The following CHCHD6 variants were observed in gnomAD, a reference collection of about 807,000 sequenced individuals.
CHCHD6 encodes the protein MICOS complex subunit MIC25.
Under a neutral mutation model 32.3 loss-of-function variants are expected in CHCHD6, and 28 were observed. The observed-to-expected ratio is 0.87, with a 90% CI of 0.64 to 1.19. CHCHD6 has a LOEUF of 1.19. Ranked by LOEUF, CHCHD6 falls within the 50% of genes most tolerant of loss-of-function variation. The pLI is 0.00. For missense variants in CHCHD6, 333 were observed against 307.0 expected, an observed-to-expected ratio of 1.08 and a Z score of -0.63; for synonymous variants, 122 against 117.5, an observed-to-expected ratio of 1.04 and a Z score of -0.25.
chr3:126,763,167 CTTCCT>C (rs937718159), intron 4 of CHCHD6, among the ~76,000 whole-genome samples: 5 of 151,980 alleles, frequency 3.3e-5, no homozygotes, highest in African/African-American at 4.8e-5. Context: ...CTTCTGCTGT[CTTCCT>C]TTCCTTTCCT....
chr3:126,957,367 TGCCTGCTG>T, intron 6 of CHCHD6, 41 bp from the exon 7 acceptor site: 1 of 1,592,200 alleles, frequency 6.3e-7, no homozygotes, highest in South Asian at 1.1e-5. Flanking sequence ...TTCTCTCCCC[TGCCTGCTG>T]GCACCTGAGC....
chr3:126,866,163 G>A (rs751943486), intron 5 of CHCHD6, among the ~76,000 whole-genome samples: 73 of 152,244 alleles, frequency 4.8e-4, no homozygotes, highest in African/African-American at 1.5e-3. Context: ...ATCTCGTAGG[G>A]TAGTTTTGAG....
At chr3:126,940,282 G>A (rs955143093) in intron 6 of CHCHD6, among the ~76,000 whole-genome samples, 3 of 152,172 alleles carry the variant, frequency 2.0e-5, no homozygotes, top group Admixed American at 1.3e-4. Context: ...GCACATAAAT[G>A]AGACCATGAG....
chr3:126,826,475 A>G (rs1030465557), intron 4 of CHCHD6, among the ~76,000 whole-genome samples: 8 of 152,170 alleles, frequency 5.3e-5, no homozygotes, highest in African/African-American at 1.9e-4. Flanking sequence ...TCTGAAGGCT[A>G]GCTATTGGTA....
chr3:126,904,769 TG>T (rs2077981462), intron 5 of CHCHD6, among the ~76,000 whole-genome samples: 2 of 152,188 alleles, frequency 1.3e-5, no homozygotes, highest in African/African-American at 4.8e-5. Context: ...CCAATACTTC[TG>T]GGAAGGTCTC....
At chr3:126,940,366 G>A (rs2078541858) in intron 6 of CHCHD6, among the ~76,000 whole-genome samples, 2 of 152,118 alleles carry the variant, frequency 1.3e-5, no homozygotes, top group Non-Finnish European at 1.5e-5. Context: ...TTGTATATCA[G>A]TAAATGTAGA....
intron 4 of CHCHD6, among the ~76,000 whole-genome samples, chr3:126,841,191 A>G (rs1015099308): frequency 1.3e-5 from 2 of 152,194 alleles, no homozygotes; most frequent in African/African-American, 4.8e-5. Flanking sequence ...GATGATTTCC[A>G]ATTTCATCCA....
At chr3:126,740,630 A>G (rs921828271) in intron 4 of CHCHD6, among the ~76,000 whole-genome samples, 12 of 152,170 alleles carry the variant, frequency 7.9e-5, no homozygotes, top group Non-Finnish European at 1.2e-4. Context: ...CTGGGTAGAA[A>G]GGGCTGTGCC....
intron 4 of CHCHD6, among the ~76,000 whole-genome samples, chr3:126,825,072 G>A (rs916895305): frequency 9.9e-5 from 15 of 151,416 alleles, no homozygotes; most frequent in Non-Finnish European, 1.5e-5. Context: ...TTTCCTTTAG[G>A]CACAGCTTTT....
rs909799730 is a variant in CHCHD6, at chr3:126,843,557, C to A, written c.412-9090C>A. ...GGAAAATTATGTATTTTTAAATGAT[C>A]AGATATATAATTTTTATATTTCCAT... is the stretch of plus-strand genomic sequence containing the variant. On this transcript the variant is annotated intron_variant, in intron 4 of 7. Coordinates refer to ENST00000290913, the MANE Select transcript of CHCHD6 (RefSeq NM_032343.3). 4.6e-5 allele frequency among the ~76,000 whole-genome samples: 7 copies of A among 152,118 alleles called. No homozygotes were observed. In the East Asian group the frequency reaches 9.6e-4, roughly 21 times the overall value.
intron 6 of CHCHD6, among the ~76,000 whole-genome samples, chr3:126,951,653 G>A (rs1216355443): frequency 1.3e-5 from 2 of 152,244 alleles, no homozygotes; most frequent in African/African-American, 4.8e-5. Flanking sequence ...GGAGAAGTGG[G>A]TATGAGACCA....
intron 4 of CHCHD6, among the ~76,000 whole-genome samples, chr3:126,778,314 A>G (rs1937751237): frequency 6.6e-6 from 1 of 152,148 alleles, no homozygotes. Context: ...TCAAATAGTA[A>G]CTCTATGTTT....
At chr3:126,733,938 C>T (rs1935924167) in intron 4 of CHCHD6, among the ~76,000 whole-genome samples, 1 of 152,150 alleles carries the variant, frequency 6.6e-6, no homozygotes, top group Non-Finnish European at 1.5e-5. Context: ...TCTCTTCCTG[C>T]CACTCTGCCA....
intron 5 of CHCHD6, among the ~76,000 whole-genome samples, chr3:126,878,814 C>T (rs1273002883): frequency 1.3e-5 from 2 of 152,194 alleles, no homozygotes; most frequent in Admixed American, 6.5e-5. Context: ...TTTATCTATG[C>T]CTGCATCACC....
At chr3:126,927,089 G>A (rs1412708267) in intron 6 of CHCHD6, among the ~76,000 whole-genome samples, 2 of 152,162 alleles carry the variant, frequency 1.3e-5, no homozygotes, top group East Asian at 1.9e-4. Context: ...TGACATTCAA[G>A]CAGAACTGAG....
chr3:126,842,506 T>C (rs1941132603), intron 4 of CHCHD6, among the ~76,000 whole-genome samples: 1 of 152,212 alleles, frequency 6.6e-6, no homozygotes, highest in Non-Finnish European at 1.5e-5. Flanking sequence ...GTGAGGTTGC[T>C]GACCTGGGAG....
intron 4 of CHCHD6, among the ~76,000 whole-genome samples, chr3:126,838,060 C>T (rs1327666900): frequency 6.6e-6 from 1 of 152,158 alleles, no homozygotes; most frequent in Non-Finnish European, 1.5e-5. Context: ...CTGCAGCCTG[C>T]AGGTGGAGAT....
intron 6 of CHCHD6, among the ~76,000 whole-genome samples, chr3:126,931,903 G>A (rs1224379999): frequency 6.6e-6 from 1 of 152,150 alleles, no homozygotes; most frequent in Non-Finnish European, 1.5e-5. Flanking sequence ...GGGACGGGGA[G>A]CCCTCACCCC....
At chr3:126,766,617 T>A in intron 4 of CHCHD6, 2 of 1,081,910 alleles carry the variant, frequency 1.8e-6, no homozygotes, top group Non-Finnish European at 2.8e-6. Flanking sequence ...TTAGCCCAGT[T>A]CCCCGAAGGT....
Sources: gnomAD v4.1 joint callset for allele counts (sites outside exome capture counted in the v4.1 genomes callset) on GRCh38, gnomAD v4.1.1 for gene constraint, MANE v1.5 for transcripts, NCBI Gene and HGNC (gene_info 2026-07-23, HGNC 2026-07-21) for gene names.